Variants in AFTPH observed in about 807,000 individuals in gnomAD.
AFTPH encodes the protein aftiphilin protein.
In AFTPH, 7 loss-of-function variants were observed where a neutral mutation model predicts 72.5. The ratio of observed to expected loss-of-function variants is 0.10; its 90% CI spans 0.05 to 0.18. The LOEUF (loss-of-function observed/expected upper bound fraction) is 0.18, where lower values mean the gene tolerates loss of function less well. Ranked by LOEUF, AFTPH falls within the 10% of genes least tolerant of loss-of-function variation. The pLI is 1.00. For missense variants in AFTPH, 979 were observed against 1,060.5 expected, an observed-to-expected ratio of 0.92 and a Z score of 1.07; for synonymous variants, 337 against 370.1, an observed-to-expected ratio of 0.91 and a Z score of 1.03.
chr2:64,551,444 T>A, exon 2 of AFTPH: 1 of 1,582,056 alleles, frequency 6.3e-7, no homozygotes, highest in Non-Finnish European at 8.6e-7. Context: ...TTTTTACAGG[T>A]GTAAATTAAT....
chr2:64,556,586 G>T (rs1363578245), intron 2 of AFTPH, among the ~76,000 whole-genome samples: 4 of 152,104 alleles, frequency 2.6e-5, no homozygotes, highest in Non-Finnish European at 5.9e-5. Flanking sequence ...TCACTATTTG[G>T]TATGTGACAT....
At chr2:64,578,324 A>T (rs991731143) in intron 6 of AFTPH, among the ~76,000 whole-genome samples, 2 of 152,174 alleles carry the variant, frequency 1.3e-5, no homozygotes, top group African/African-American at 2.4e-5. Context: ...AGCGATGTCC[A>T]AAAAAAGACG....
chr2:64,572,969 A>G, exon 6 of AFTPH: 1 of 1,614,064 alleles, frequency 6.2e-7, no homozygotes, highest in Non-Finnish European at 8.5e-7. Flanking sequence ...CCACCAAGGA[A>G]CCACTGAAAC....
intron 1 of AFTPH, among the ~76,000 whole-genome samples, chr2:64,533,145 C>T (rs1669716511): frequency 6.6e-6 from 1 of 152,046 alleles, no homozygotes; most frequent in Non-Finnish European, 1.5e-5. Flanking sequence ...TGCCTGTAAT[C>T]CCAGCACTTT....
chr2:64,525,487 A>G (rs1669203871), intron 1 of AFTPH: 1 of 154,326 alleles, frequency 6.5e-6, no homozygotes, highest in Admixed American at 6.6e-5. Context: ...GGATGAAACA[A>G]AAGTAATGGT....
At chr2:64,558,037 A>G (rs1198083188) in intron 2 of AFTPH, among the ~76,000 whole-genome samples, 1 of 152,218 alleles carries the variant, frequency 6.6e-6, no homozygotes, top group African/African-American at 2.4e-5. Context: ...TGTACTTGAT[A>G]GCTTACTTAA....
intron 1 of AFTPH, among the ~76,000 whole-genome samples, chr2:64,532,599 A>G (rs376766543): frequency 9.2e-5 from 14 of 152,176 alleles, no homozygotes; most frequent in African/African-American, 3.4e-4. Flanking sequence ...CTGGTATGGT[A>G]ACTGGGTTAG....
At chr2:64,526,680 AATC>A (rs1380839522) in intron 1 of AFTPH, among the ~76,000 whole-genome samples, 2 of 152,168 alleles carry the variant, frequency 1.3e-5, no homozygotes, top group African/African-American at 2.4e-5. Context: ...TCATTTTGCT[AATC>A]ATTTTCTCAG....
chr2:64,546,341 GTC>G (rs1420160388), intron 1 of AFTPH, among the ~76,000 whole-genome samples: 1 of 152,150 alleles, frequency 6.6e-6, no homozygotes, highest in Non-Finnish European at 1.5e-5. Context: ...CTAAGGAACA[GTC>G]TCTAGCAAAC....
At chr2:64,529,267 TC>T (rs1051618646) in intron 1 of AFTPH, among the ~76,000 whole-genome samples, 2 of 152,114 alleles carry the variant, frequency 1.3e-5, no homozygotes, top group Non-Finnish European at 2.9e-5. Flanking sequence ...GACTACCATT[TC>T]CTCTGTCAAT....
chr2:64,568,916 T>G (rs1672252213), intron 3 of AFTPH, among the ~76,000 whole-genome samples, 176 bp from the exon 4 acceptor site: 1 of 152,242 alleles, frequency 6.6e-6, no homozygotes, highest in South Asian at 2.1e-4. Flanking sequence ...CCAGCCTTAG[T>G]TATTTTTCTA....
intron 2 of AFTPH, among the ~76,000 whole-genome samples, chr2:64,555,721 T>A (rs776090003): frequency 2.5e-4 from 38 of 152,128 alleles, no homozygotes; most frequent in Non-Finnish European, 4.4e-4. Context: ...AGAAGAAGTT[T>A]GGGAAGAAAG....
At chr2:64,531,293 A>C (rs1039218047) in intron 1 of AFTPH, among the ~76,000 whole-genome samples, 2 of 152,162 alleles carry the variant, frequency 1.3e-5, no homozygotes, top group African/African-American at 4.8e-5. Flanking sequence ...AGTCAGAGGG[A>C]AAGCCTGTTA....
At chr2:64,536,713 G>A (rs1166259275) in intron 1 of AFTPH, among the ~76,000 whole-genome samples, 1 of 151,648 alleles carries the variant, frequency 6.6e-6, no homozygotes, top group Non-Finnish European at 1.5e-5. Flanking sequence ...AGCACTTTGG[G>A]AGCCCAAGGT....
At chr2:64,557,299 GTTTATA>G in intron 2 of AFTPH, among the ~76,000 whole-genome samples, 1 of 152,206 alleles carries the variant, frequency 6.6e-6, no homozygotes, top group East Asian at 1.9e-4. Flanking sequence ...TAAGTAATCT[GTTTATA>G]TTAATTGGGT....
At chr2:64,591,916 G>A (rs772490202) in exon 9 of AFTPH, 1 of 1,613,844 alleles carries the variant, frequency 6.2e-7, no homozygotes, top group African/African-American at 1.3e-5. Context: ...GCACCTAAGT[G>A]AAGAAGCTAT....
At chr2:64,537,111 C>T (rs7563535) in intron 1 of AFTPH, among the ~76,000 whole-genome samples, 73,199 of 151,558 alleles carry the variant, frequency 0.48, 21,064 homozygotes, top group African/African-American at 0.82. Context: ...TATTAATAGA[C>T]TGTTTTCAGC....
rs149890368 is a variant in AFTPH, at chr2:64,575,703, ATGTGTGTGTGTGTGTG to A, written c.2394+2659_2394+2674del. On this transcript the variant is annotated intron_variant, in intron 6 of 8. Coordinates refer to ENST00000238856, the Ensembl canonical transcript of AFTPH. ...TTTATATATATATGTATGTGTGTAT[ATGTGTGTGTGTGTGTG>A]TGTGTGTGTGTGTGTGTGTGTGTAT... 4.7e-4 allele frequency among the ~76,000 whole-genome samples: 68 copies of A among 145,814 alleles called. 1 individual carries two copies. The highest frequency in any genetic ancestry group is 4.4e-3 in the South Asian group (20 of 4,546).
chr2:64,567,110 C>A (rs1672131547), intron 2 of AFTPH, among the ~76,000 whole-genome samples: 1 of 152,110 alleles, frequency 6.6e-6, no homozygotes, highest in African/African-American at 2.4e-5. Context: ...CCACAAGCAT[C>A]CAATCTTATT....
Sources: gnomAD v4.1 joint callset for allele counts (sites outside exome capture counted in the v4.1 genomes callset) on GRCh38, gnomAD v4.1.1 for gene constraint, MANE v1.5 for transcripts, NCBI Gene and HGNC (gene_info 2026-07-23, HGNC 2026-07-21) for gene names.